GATAD2A: variants seen among roughly 807,000 people sequenced by gnomAD.
GATAD2A encodes the protein transcriptional repressor p66-alpha.
GATAD2A carries 12 observed loss-of-function variants against 68.5 expected under a neutral mutation model. The ratio of observed to expected loss-of-function variants is 0.18; its 90% CI spans 0.11 to 0.28. The LOEUF (loss-of-function observed/expected upper bound fraction) is 0.28, where lower values mean the gene tolerates loss of function less well. GATAD2A is among the 10% of genes least tolerant of loss of function. The pLI is 1.00. For synonymous variants in GATAD2A, 410 were observed against 375.3 expected, an observed-to-expected ratio of 1.09 and a Z score of -1.07; for missense variants, 755 against 868.5, an observed-to-expected ratio of 0.87 and a Z score of 1.64.
intron 1 of GATAD2A, among the ~76,000 whole-genome samples, chr19:19,399,244 AC>A (rs2049516408): frequency 6.8e-6 from 1 of 147,312 alleles, no homozygotes; most frequent in South Asian, 2.1e-4. Context: ...ACAAAAACCT[AC>A]TTTTTTTTTT....
intron 1 of GATAD2A, among the ~76,000 whole-genome samples, chr19:19,453,674 T>A (rs1290151439): frequency 7.1e-6 from 1 of 141,374 alleles, no homozygotes; most frequent in African/African-American, 2.8e-5. Flanking sequence ...TTTTAATTTT[T>A]TTAAAATTTT....
chr19:19,500,231 C>G (rs2060438209), intron 8 of GATAD2A, among the ~76,000 whole-genome samples: 1 of 152,222 alleles, frequency 6.6e-6, no homozygotes, highest in Non-Finnish European at 1.5e-5. Flanking sequence ...CTCACGCTGG[C>G]CATGGGTTGG....
At chr19:19,426,293 C>T (rs1181956864) in intron 1 of GATAD2A, among the ~76,000 whole-genome samples, 1 of 152,092 alleles carries the variant, frequency 6.6e-6, no homozygotes, top group East Asian at 1.9e-4. Flanking sequence ...ATTCCACAAA[C>T]TTAGAGGAGA....
intron 1 of GATAD2A, among the ~76,000 whole-genome samples, chr19:19,395,806 A>G (rs1486580429): frequency 6.6e-6 from 1 of 152,176 alleles, no homozygotes; most frequent in African/African-American, 2.4e-5. Flanking sequence ...TCCCTGTGCC[A>G]TAGAAACTTT....
intron 1 of GATAD2A, chr19:19,427,676 CT>C (rs1221080760): frequency 6.4e-6 from 1 of 156,762 alleles, no homozygotes; most frequent in Non-Finnish European, 1.4e-5. Context: ...TTCTTTCTTT[CT>C]TTCTTTTTTT....
intron 1 of GATAD2A, among the ~76,000 whole-genome samples, chr19:19,436,734 C>G (rs1352664691): frequency 6.6e-6 from 1 of 152,210 alleles, no homozygotes; most frequent in Non-Finnish European, 1.5e-5. Flanking sequence ...TTGCTGGGTA[C>G]CTTGGATTTT....
At chr19:19,388,140 C>T (rs2146799767) in intron 1 of GATAD2A, among the ~76,000 whole-genome samples, 1 of 151,824 alleles carries the variant, frequency 6.6e-6, no homozygotes, top group African/African-American at 2.4e-5. Flanking sequence ...TCACCGCAAC[C>T]TCCGCCTCCT....
At chr19:19,392,567 T>A (rs956964652) in intron 1 of GATAD2A, among the ~76,000 whole-genome samples, 5 of 151,858 alleles carry the variant, frequency 3.3e-5, no homozygotes, top group African/African-American at 4.8e-5. Flanking sequence ...AATTTTTGTA[T>A]TTTTAGTAGA....
intron 7 of GATAD2A, among the ~76,000 whole-genome samples, chr19:19,496,628 C>T (rs553467527): frequency 7.5e-4 from 114 of 152,328 alleles, no homozygotes; most frequent in African/African-American, 2.7e-3. Context: ...GCCGCCCTCC[C>T]GGCAGTGGCT....
chr19:19,492,859 A>G (rs942041418), intron 4 of GATAD2A, 147 bp downstream of exon 4: 9 of 693,050 alleles, frequency 1.3e-5, no homozygotes, highest in Non-Finnish European at 2.2e-5. Flanking sequence ...TGTGGACTCC[A>G]GTGTGCATTT....
intron 2 of GATAD2A, among the ~76,000 whole-genome samples, chr19:19,491,951 C>T (rs118013768): frequency 0.027 from 4,184 of 152,302 alleles, 86 homozygotes; most frequent in Non-Finnish European, 0.04. Context: ...CCCCAGGATC[C>T]CGAGCCGAGT....
At chr19:19,463,469 C>A (rs1370786305) in intron 1 of GATAD2A, among the ~76,000 whole-genome samples, 1 of 152,104 alleles carries the variant, frequency 6.6e-6, no homozygotes, top group Non-Finnish European at 1.5e-5. Context: ...TCTACCTGGG[C>A]TCCATTCCAC....
At chr19:19,489,238 C>G (rs1471211643) in intron 2 of GATAD2A, among the ~76,000 whole-genome samples, 1 of 152,244 alleles carries the variant, frequency 6.6e-6, no homozygotes, top group Admixed American at 6.5e-5. Context: ...CCCCTGTGGG[C>G]TGGCGCCACA....
At chr19:19,412,217 G>A (rs1379783691) in intron 1 of GATAD2A, among the ~76,000 whole-genome samples, 8 of 150,872 alleles carry the variant, frequency 5.3e-5, no homozygotes, top group South Asian at 4.2e-4. Context: ...GTGCAGTGAC[G>A]CGATCTCAGC....
intron 1 of GATAD2A, among the ~76,000 whole-genome samples, chr19:19,442,186 G>T (rs552722470): frequency 6.6e-6 from 1 of 152,118 alleles, no homozygotes; most frequent in African/African-American, 2.4e-5. Context: ...TAAGTAAAAC[G>T]CTTAATTCTC....
Position 19,501,123 on chromosome 19 carries a change from A to C in GATAD2A, c.1210A>C (p.Arg404=), listed in dbSNP as rs745930523. 1 of 1,607,560 alleles carries C rather than the reference A, an allele frequency of 6.2e-7. No homozygotes were observed. Among genetic ancestry groups the C allele is most frequent in the East Asian group, 2.2e-5 (1 of 44,738 alleles). ...CATGTGCTGTCTGCTTGCAGCAGGC[A>C]GGATGTCGGCCGCCACTGTGCTGTC... The part of the protein sequence containing the change: ...VQNLLETQAG[R]MSAATVLSRE... The change falls in exon 9 of 12, where the codon AGG becomes CGG. Residue 404 remains arginine (R), a synonymous_variant. Coordinates refer to ENST00000683918, the MANE Select transcript of GATAD2A (RefSeq NM_001384528.1).
chr19:19,468,069 A>C (rs1187149833), intron 2 of GATAD2A, among the ~76,000 whole-genome samples: 1 of 152,254 alleles, frequency 6.6e-6, no homozygotes, highest in Non-Finnish European at 1.5e-5. Context: ...CAATCTCAGC[A>C]TTCTGGAAAA....
At chr19:19,431,962 G>A (rs1247153210) in intron 1 of GATAD2A, among the ~76,000 whole-genome samples, 1 of 152,002 alleles carries the variant, frequency 6.6e-6, no homozygotes, top group Non-Finnish European at 1.5e-5. Flanking sequence ...GGATCACACG[G>A]AGGGGTTAAT....
At chr19:19,419,835 G>C (rs2147241142) in intron 1 of GATAD2A, among the ~76,000 whole-genome samples, 1 of 151,980 alleles carries the variant, frequency 6.6e-6, no homozygotes, top group South Asian at 2.1e-4. Flanking sequence ...ATCTTTGGTA[G>C]AGGAAGTTTT....
Sources: allele counts gnomAD v4.1 joint callset (sites outside exome capture counted in the v4.1 genomes callset), GRCh38; gene constraint gnomAD v4.1.1; transcripts MANE v1.5; gene names NCBI Gene and HGNC (gene_info 2026-07-23, HGNC 2026-07-21).